MEGF6: variants seen among roughly 807,000 people sequenced by gnomAD.
MEGF6 encodes the protein multiple epidermal growth factor-like domains protein 6.
A neutral mutation model predicts 207.1 loss-of-function variants in MEGF6; 184 were observed. The observed-to-expected ratio is 0.89, with a 90% CI of 0.79 to 1.00. The LOEUF (loss-of-function observed/expected upper bound fraction) is 1.00. MEGF6 is among the 50% of genes least tolerant of loss of function. MEGF6 has a pLI of 0.00. For missense variants in MEGF6, 2,282 were observed against 2,202.9 expected (o/e 1.04, Z -0.72); for synonymous variants, 1,038 against 910.0 (o/e 1.14, Z -2.53).
At chr1:3,503,443 G>C (rs895714701) in intron 17 of MEGF6, among the ~76,000 whole-genome samples, 1 of 152,062 alleles carries the variant, frequency 6.6e-6, no homozygotes, top group Non-Finnish European at 1.5e-5. Context: ...AGCACCACAG[G>C]CTCTTAAAGA....
At chr1:3,509,594 T>C (rs1025361102) in intron 11 of MEGF6, among the ~76,000 whole-genome samples, 1 of 152,150 alleles carries the variant, frequency 6.6e-6, no homozygotes, top group Non-Finnish European at 1.5e-5. Flanking sequence ...TTCTCTCACG[T>C]GGTCAGGACA....
chr1:3,606,958 C>A (rs1417387254), intron 1 of MEGF6, among the ~76,000 whole-genome samples: 2 of 152,122 alleles, frequency 1.3e-5, no homozygotes, highest in Non-Finnish European at 2.9e-5. Flanking sequence ...TCAACAGACA[C>A]CCCAGGCCTG....
chr1:3,611,008 C>A (rs927948020), intron 1 of MEGF6, 130 bp downstream of exon 1: 3 of 1,214,872 alleles, frequency 2.5e-6, no homozygotes, highest in Non-Finnish European at 3.2e-6. Context: ...ACCTCCTCCC[C>A]AGTTAACGCA....
intron 1 of MEGF6, among the ~76,000 whole-genome samples, chr1:3,605,270 ACACC>A (rs1476724168): frequency 6.6e-6 from 1 of 151,944 alleles, no homozygotes; most frequent in Non-Finnish European, 1.5e-5. Flanking sequence ...ACATACTCTC[ACACC>A]CACACAATCA....
At chr1:3,498,965 A>G in intron 24 of MEGF6, 139 bp from the exon 25 acceptor site, 1 of 1,413,068 alleles carries the variant, frequency 7.1e-7, no homozygotes, top group East Asian at 2.5e-5. Context: ...CTGCCAGCCC[A>G]GCCTCACTCC....
rs147907912 is a variant in MEGF6 at position 3,519,324 on chromosome 1, G to A, written c.605-3797C>T. On this transcript the variant is annotated intron_variant, in intron 5 of 36. Coordinates refer to ENST00000356575, the MANE Select transcript of MEGF6 (RefSeq NM_001409.4). The stretch of plus-strand genomic sequence containing the variant: ...GCCCTATTGGCCTACCAGGGGCACC[G>A]TGTGCTTTAGGGAGTGGCAGGCAGC... Among the ~76,000 whole-genome samples the A allele has an allele frequency of 7.0e-3, 1,065 of 152,362 alleles. 7 individuals carry two copies. Among genetic ancestry groups the A allele is most frequent in the African/African-American group, 0.024 (1,000 of 41,586 alleles).
chr1:3,585,578 T>A (rs1643881909), intron 3 of MEGF6, among the ~76,000 whole-genome samples: 1 of 126,856 alleles, frequency 7.9e-6, no homozygotes, highest in Admixed American at 8.2e-5. Flanking sequence ...AGGACACATG[T>A]CCTGTGTGTG....
At chr1:3,527,288 TA>T (rs1641999168) in intron 4 of MEGF6, among the ~76,000 whole-genome samples, 1 of 152,198 alleles carries the variant, frequency 6.6e-6, no homozygotes, top group Admixed American at 6.5e-5. Context: ...CAACGGATGG[TA>T]CCCACCCACC....
intron 17 of MEGF6, among the ~76,000 whole-genome samples, chr1:3,504,379 G>GT (rs1405242992): frequency 6.6e-6 from 1 of 152,068 alleles, no homozygotes; most frequent in Non-Finnish European, 1.5e-5. Context: ...ACACACTCGG[G>GT]TATTTCCTAT....
chr1:3,531,710 C>T (rs1446622794), intron 4 of MEGF6, among the ~76,000 whole-genome samples: 1 of 152,168 alleles, frequency 6.6e-6, no homozygotes, highest in African/African-American at 2.4e-5. Flanking sequence ...CAGACACGCA[C>T]GGACATACGC....
intron 7 of MEGF6, among the ~76,000 whole-genome samples, chr1:3,512,440 G>T (rs1256081469): frequency 6.6e-6 from 1 of 152,234 alleles, no homozygotes; most frequent in Non-Finnish European, 1.5e-5. Context: ...TGGCCATCCG[G>T]CGGGGGCCTG....
chr1:3,617,526 T>C, the MEGF6 span, among the ~76,000 whole-genome samples: 2 of 152,110 alleles, frequency 1.3e-5, no homozygotes, highest in African/African-American at 4.8e-5. Context: ...TAATGGATGC[T>C]GGGCTGAATA....
At chr1:3,506,028 G>C in intron 15 of MEGF6, 80 bp downstream of exon 15, 3 of 1,488,132 alleles carry the variant, frequency 2.0e-6, no homozygotes, top group Non-Finnish European at 2.7e-6. Flanking sequence ...TCCTAACCCA[G>C]ACTACAGGTA....
chr1:3,521,517 A>G (rs1413791707), intron 5 of MEGF6, among the ~76,000 whole-genome samples: 3 of 152,108 alleles, frequency 2.0e-5, no homozygotes, highest in Non-Finnish European at 4.4e-5. Context: ...CCGGCGTCTC[A>G]GGCCCACAGT....
chr1:3,493,640 TCC>T, intron 34 of MEGF6, 129 bp downstream of exon 34: 1 of 1,288,370 alleles, frequency 7.8e-7, no homozygotes, highest in Non-Finnish European at 1.1e-6. Flanking sequence ...GGGGGCACAG[TCC>T]AGGTGCAGAG....
At chr1:3,581,053 G>A (rs1385614526) in intron 3 of MEGF6, among the ~76,000 whole-genome samples, 1 of 152,180 alleles carries the variant, frequency 6.6e-6, no homozygotes, top group African/African-American at 2.4e-5. Flanking sequence ...CAGACCAGGG[G>A]CTGTGCCCGG....
At chr1:3,610,946 G>C (rs969103132) in intron 1 of MEGF6, among the ~76,000 whole-genome samples, 192 bp downstream of exon 1, 3 of 152,194 alleles carry the variant, frequency 2.0e-5, no homozygotes, top group African/African-American at 7.2e-5. Flanking sequence ...ACGGCGAGGG[G>C]CCCTGCCACA....
At position 3,491,404 on chromosome 1, in the gene MEGF6, G is replaced by A. The variant is rs1455370589; in HGVS notation, c.4517-445C>T. Among the ~76,000 whole-genome samples, 15 of 152,150 alleles carry A rather than the reference G, an allele frequency of 9.9e-5. No individual in the cohort carries two copies. In the East Asian group the frequency reaches 2.5e-3, roughly 26 times the overall value. On this transcript the variant is annotated intron_variant, in intron 35 of 36. Transcript: ENST00000356575. ...GTACCACAGATGACCACTAGATGCC[G>A]CTGCCGGGCAGCCTTTTGTCCCTGC...
Position 3,495,891 on chromosome 1 carries a change from T to G in MEGF6, c.3870A>C (p.Arg1290=). The G allele has an allele frequency of 6.3e-7, 1 of 1,598,314 alleles. No individual in the cohort carries two copies. The highest frequency in any genetic ancestry group is 1.3e-5 in the African/African-American group (1 of 74,994). ...PPGRAGVRCE[R]GCPQNRFGVG... ...ATGCCCTCTGGAGTGAACACTCACCTCGCTCACAGCGGACGCCGGCTCTCC... is the reference window on the plus strand; with the variant it reads ...ATGCCCTCTGGAGTGAACACTCACCGCGCTCACAGCGGACGCCGGCTCTCC... Residue 1290 remains arginine, a splice_region_variant and synonymous_variant, in exon 30 of 37, where the codon CGA becomes CGC. Transcript: ENST00000356575.
Sources: gnomAD v4.1 joint callset for allele counts (sites outside exome capture counted in the v4.1 genomes callset) on GRCh38, gnomAD v4.1.1 for gene constraint, MANE v1.5 for transcripts, NCBI Gene and HGNC (gene_info 2026-07-23, HGNC 2026-07-21) for gene names.